TMEM74: variants seen among roughly 807,000 people sequenced by gnomAD.
TMEM74 encodes the protein transmembrane protein 74.
A neutral mutation model predicts 18.1 loss-of-function variants in TMEM74; 13 were observed. The ratio of observed to expected loss-of-function variants is 0.72; its 90% CI spans 0.47 to 1.14. The LOEUF is 1.14. Ranked by LOEUF, TMEM74 falls within the 50% of genes most tolerant of loss-of-function variation. The pLI is 0.00. For synonymous variants in TMEM74, 159 were observed against 146.6 expected (o/e 1.08, Z -0.61); for missense variants, 372 against 375.9 (o/e 0.99, Z 0.09).
chr8:108,616,084 C>T (rs1214066265), intron 2 of TMEM74, among the ~76,000 whole-genome samples: 2 of 152,246 alleles, frequency 1.3e-5, no homozygotes, highest in East Asian at 1.9e-4. Flanking sequence ...TGCGCCTGGC[C>T]TGGATAGGAG....
intron 2 of TMEM74, among the ~76,000 whole-genome samples, chr8:108,612,570 G>A (rs1022064121): frequency 7.9e-5 from 12 of 152,286 alleles, no homozygotes; most frequent in Non-Finnish European, 1.5e-4. Flanking sequence ...AGCTTTAACA[G>A]GAGTCAATCT....
chr8:108,765,739 T>G (rs1814099091), intron 1 of TMEM74, among the ~76,000 whole-genome samples: 1 of 152,052 alleles, frequency 6.6e-6, no homozygotes, highest in Non-Finnish European at 1.5e-5. Context: ...TAATAACAGC[T>G]CAAGATTTAT....
At position 108,782,577 on chromosome 8, in the gene TMEM74, A is replaced by G. The variant is rs1814321600; in HGVS notation, c.*1604T>C. Among the ~76,000 whole-genome samples the G allele has an allele frequency of 6.6e-6, 1 of 152,210 alleles. No homozygotes were observed. Among genetic ancestry groups the G allele is most frequent in the East Asian group, 1.9e-4 (1 of 5,198 alleles). On this transcript the variant is annotated 3_prime_UTR_variant, in exon 2 of 2. Transcript: ENST00000297459. ...CTGACACCCATGAGAGCTCATCCAC[A>G]TAAATATCCTGATTCACACATTTTG... is the stretch of plus-strand genomic sequence containing the variant.
At chr8:108,614,036 T>C in intron 2 of TMEM74, among the ~76,000 whole-genome samples, 1 of 73,600 alleles carries the variant, frequency 1.4e-5, no homozygotes, top group Admixed American at 1.3e-4. Flanking sequence ...TTTCATAAGG[T>C]TTTTTTTTTT....
intron 1 of TMEM74, among the ~76,000 whole-genome samples, chr8:108,687,173 A>T (rs1272962008): frequency 6.6e-6 from 1 of 152,160 alleles, no homozygotes; most frequent in African/African-American, 2.4e-5. Flanking sequence ...AATCACAAAA[A>T]ACTACTGACA....
chr8:108,764,128 C>T (rs1050369120), intron 1 of TMEM74, among the ~76,000 whole-genome samples: 12 of 152,126 alleles, frequency 7.9e-5, no homozygotes, highest in African/African-American at 2.9e-4. Context: ...TTCAATTTAT[C>T]TCTTATCTCC....
Position 108,735,331 on chromosome 8 carries a change from G to A in TMEM74, n.119+52145C>T, listed in dbSNP as rs540251063. 2.6e-5 allele frequency among the ~76,000 whole-genome samples: 4 copies of A among 152,218 alleles called. No individual in the cohort carries two copies. In the East Asian group the frequency reaches 7.7e-4, roughly 29 times the overall value. On this transcript the variant is annotated intron_variant and non_coding_transcript_variant, in intron 1 of 3. Transcript: ENST00000518838. ...GAATTTTCATCACTTTAAGAAGCAA[G>A]ACCATATCCTTTAGCTCTCATCCTT...
At chr8:108,660,623 AC>A (rs1435198460) in intron 1 of TMEM74, among the ~76,000 whole-genome samples, 1 of 152,190 alleles carries the variant, frequency 6.6e-6, no homozygotes, top group African/African-American at 2.4e-5. Flanking sequence ...CTAACGTGAT[AC>A]TGTTTAAACC....
At chr8:108,611,933 A>G (rs963629557) in intron 2 of TMEM74, among the ~76,000 whole-genome samples, 1 of 152,242 alleles carries the variant, frequency 6.6e-6, no homozygotes, top group African/African-American at 2.4e-5. Flanking sequence ...GGAAACTTAC[A>G]ATCACAGCTG....
At chr8:108,695,947 CCCTCT>C in intron 1 of TMEM74, among the ~76,000 whole-genome samples, 1 of 152,154 alleles carries the variant, frequency 6.6e-6, no homozygotes, top group Admixed American at 6.5e-5. Context: ...CTGTGCTCTG[CCCTCT>C]GCTGTTAAAT....
At chr8:108,662,649 A>T (rs537207994) in intron 1 of TMEM74, among the ~76,000 whole-genome samples, 2 of 152,180 alleles carry the variant, frequency 1.3e-5, no homozygotes, top group Non-Finnish European at 2.9e-5. Flanking sequence ...TGATGAGATT[A>T]GGGAAGGCCT....
chr8:108,735,529 T>C (rs1461649960), intron 1 of TMEM74, among the ~76,000 whole-genome samples: 2 of 152,264 alleles, frequency 1.3e-5, no homozygotes, highest in Non-Finnish European at 2.9e-5. Flanking sequence ...TGTTGTAGAA[T>C]GTATCAGTCC....
At chr8:108,720,783 G>A (rs978434248) in intron 1 of TMEM74, among the ~76,000 whole-genome samples, 1 of 151,046 alleles carries the variant, frequency 6.6e-6, no homozygotes, top group Non-Finnish European at 1.5e-5. Flanking sequence ...TGTTTGTTTA[G>A]TTCAAGACGG....
intron 1 of TMEM74, among the ~76,000 whole-genome samples, chr8:108,671,427 G>A (rs1813003909): frequency 6.6e-6 from 1 of 152,212 alleles, no homozygotes; most frequent in Admixed American, 6.5e-5. Context: ...TTTGTGGTTG[G>A]ACTGAAGATG....
intron 2 of TMEM74, among the ~76,000 whole-genome samples, chr8:108,622,844 C>T (rs908848869): frequency 6.6e-6 from 1 of 152,074 alleles, no homozygotes; most frequent in East Asian, 1.9e-4. Flanking sequence ...ATTCTTTTCC[C>T]CTTTCTTTCC....
At chr8:108,694,144 G>C (rs1267397774) in intron 1 of TMEM74, among the ~76,000 whole-genome samples, 1 of 152,212 alleles carries the variant, frequency 6.6e-6, no homozygotes, top group Non-Finnish European at 1.5e-5. Context: ...AGTAATTAAA[G>C]TGAAACTCGT....
intron 1 of TMEM74, among the ~76,000 whole-genome samples, chr8:108,745,141 A>T (rs1813836724): frequency 6.6e-6 from 1 of 152,186 alleles, no homozygotes; most frequent in Admixed American, 6.6e-5. Context: ...TAAACTCTTC[A>T]GCCTCTTTCT....
At chr8:108,652,751 C>T (rs1812786750) in intron 2 of TMEM74, 1 of 523,982 alleles carries the variant, frequency 1.9e-6, no homozygotes, top group Non-Finnish European at 3.6e-6. Flanking sequence ...AAGACAAACA[C>T]TCAGGACAAA....
chr8:108,646,332 T>C (rs1812717644), intron 2 of TMEM74, among the ~76,000 whole-genome samples: 1 of 152,108 alleles, frequency 6.6e-6, no homozygotes, highest in Non-Finnish European at 1.5e-5. Flanking sequence ...TTATATAACC[T>C]TAGACAATTA....
Sources: allele counts gnomAD v4.1 joint callset (sites outside exome capture counted in the v4.1 genomes callset), GRCh38; gene constraint gnomAD v4.1.1; transcripts MANE v1.5; gene names NCBI Gene and HGNC (gene_info 2026-07-23, HGNC 2026-07-21).